Variants in TAB3 observed in about 807,000 individuals in gnomAD.
TAB3 encodes TGF-beta-activated kinase 1 and MAP3K7-binding protein 3.
In TAB3, 18 loss-of-function variants were observed where a neutral mutation model predicts 48.1. That is an observed-to-expected ratio of 0.37 (90% confidence interval 0.26 to 0.55). The LOEUF is 0.55. TAB3 is among the 20% of genes least tolerant of loss of function. The probability of loss-of-function intolerance (pLI) is 0.78; values close to 1 mark genes in which losing one functional copy is unlikely to be tolerated. For synonymous variants in TAB3, 185 were observed against 190.2 expected, an observed-to-expected ratio of 0.97 and a Z score of 0.22; for missense variants, 414 against 549.8, an observed-to-expected ratio of 0.75 and a Z score of 2.47.
intron 1 of TAB3, among the ~76,000 whole-genome samples, chrX:30,884,264 T>G (rs1193885515): frequency 8.9e-6 from 1 of 112,065 alleles, no homozygotes; most frequent in Admixed American, 9.4e-5. Context: ...GTAGTAATGA[T>G]GACGACAACG....
At chrX:30,880,381 T>A (rs1955358713) in intron 1 of TAB3, among the ~76,000 whole-genome samples, 1 of 111,634 alleles carries the variant, frequency 9.0e-6, no homozygotes, top group Non-Finnish European at 1.9e-5. Flanking sequence ...ACCACAGATA[T>A]ATGGACACTT....
chrX:30,841,135 T>C (rs767382738), intron 9 of TAB3, among the ~76,000 whole-genome samples: 11 of 112,468 alleles, frequency 9.8e-5, no homozygotes, highest in African/African-American at 3.2e-4. Flanking sequence ...TAGAAATCAA[T>C]AGACTATTTT....
chrX:30,869,065 T>G (rs1481118060), intron 2 of TAB3, among the ~76,000 whole-genome samples: 2 of 97,929 alleles, frequency 2.0e-5, no homozygotes, highest in East Asian at 6.0e-4. Flanking sequence ...CCACCCCACA[T>G]TTTTTTTTTT....
At chrX:30,879,414 T>C (rs1294570807) in intron 1 of TAB3, among the ~76,000 whole-genome samples, 2 of 111,796 alleles carry the variant, frequency 1.8e-5, no homozygotes, top group Non-Finnish European at 3.8e-5. Flanking sequence ...TAGAGGAAAA[T>C]GTGATGTTGA....
At chrX:30,831,622 AC>A in intron 10 of TAB3, 47 bp from the exon 11 acceptor site, 2 of 1,152,210 alleles carry the variant, frequency 1.7e-6, no homozygotes, top group Non-Finnish European at 2.3e-6. Context: ...AAATAGATTA[AC>A]CTTTTTCCAA....
chrX:30,829,422 T>C lies in TAB3; in HGVS notation c.*2005A>G, dbSNP rs1937964462. ...AATTGTAACTTAAAACCAAGTGGGGTTGACCATCACTAAAGAGATATGAAA... is the reference window on the plus strand; with the variant it reads ...AATTGTAACTTAAAACCAAGTGGGGCTGACCATCACTAAAGAGATATGAAA... On this transcript the variant is annotated 3_prime_UTR_variant, in exon 11 of 11. Coordinates refer to ENST00000288422, the MANE Select transcript of TAB3 (RefSeq NM_152787.5). 1 of 111,645 alleles carries C rather than the reference T, an allele frequency of 9.0e-6. No homozygotes were observed. Among genetic ancestry groups the C allele is most frequent in the Non-Finnish European group, 1.9e-5 (1 of 53,091 alleles). The allele number at this position is 111,645 out of a possible 1,213,427, so 9.2% of individuals were successfully genotyped here.
intron 9 of TAB3, among the ~76,000 whole-genome samples, chrX:30,839,178 T>A (rs945819973): frequency 9.0e-6 from 1 of 111,714 alleles, no homozygotes; most frequent in African/African-American, 3.3e-5. Context: ...TTTCTATTCT[T>A]AATTTGTTTA....
chrX:30,859,367 C>CACAA, intron 5 of TAB3, 120 bp downstream of exon 5: 1 of 493,510 alleles, frequency 2.0e-6, no homozygotes, highest in East Asian at 3.8e-5. Context: ...GCTCCACACA[C>CACAA]ACACACACAC....
chrX:30,832,166 A>T (rs6631190), intron 10 of TAB3, among the ~76,000 whole-genome samples: 1 of 111,289 alleles, frequency 9.0e-6, no homozygotes, highest in Non-Finnish European at 1.9e-5. Flanking sequence ...AAATTCATTC[A>T]GTATAAAAGA....
intron 4 of TAB3, among the ~76,000 whole-genome samples, chrX:30,866,673 C>T (rs1223739403): frequency 9.2e-6 from 1 of 108,302 alleles, no homozygotes; most frequent in African/African-American, 3.4e-5. Flanking sequence ...GCCATGAGCC[C>T]ATACTGAGAT....
At chrX:30,851,828 C>T (rs2147354800) in intron 7 of TAB3, among the ~76,000 whole-genome samples, 1 of 112,063 alleles carries the variant, frequency 8.9e-6, no homozygotes, top group Admixed American at 9.5e-5. Flanking sequence ...ACAGAACAGA[C>T]AAGATTTACA....
chrX:30,841,956 G>A (rs781663427), intron 9 of TAB3, among the ~76,000 whole-genome samples: 4 of 111,905 alleles, frequency 3.6e-5, no homozygotes, highest in African/African-American at 6.5e-5. Flanking sequence ...TTACAGGCGC[G>A]CGCCATCAGG....
intron 5 of TAB3, among the ~76,000 whole-genome samples, chrX:30,856,691 A>G: frequency 8.9e-6 from 1 of 112,042 alleles, no homozygotes; most frequent in Non-Finnish European, 1.9e-5. Flanking sequence ...GAAATAATTC[A>G]TTTCTGCTGA....
chrX:30,846,688 A>T, intron 7 of TAB3, 44 bp from the exon 8 acceptor site: 1 of 883,700 alleles, frequency 1.1e-6, no homozygotes, highest in Non-Finnish European at 1.6e-6. Flanking sequence ...GAAAGTCATT[A>T]TCAAGCCCAA....
rs143879115 is a variant in TAB3, at chrX:30,860,129, A to G, written c.-90-451T>C. Among the ~76,000 whole-genome samples the G allele has an allele frequency of 4.3e-3, 485 of 111,734 alleles. 5 individuals carry two copies. Among genetic ancestry groups the G allele is most frequent in the African/African-American group, 0.015 (462 of 30,745 alleles). On this transcript the variant is annotated intron_variant, in intron 4 of 10. Transcript: ENST00000288422. ...GTAATGAGTTATAAACCTGTAGAAA[A>G]GAGGGAGCCGTGTGTCCGTATCAAT...
At position 30,855,222 on chromosome X, in the gene TAB3, C is replaced by T; in HGVS notation, c.443G>A (p.Ser148Asn). 1 of 1,211,767 alleles carries T rather than the reference C, an allele frequency of 8.3e-7. No individual in the cohort carries two copies. Among genetic ancestry groups the T allele is most frequent in the Non-Finnish European group, 1.1e-6 (1 of 895,566 alleles). ...NPFFMNEQNR[S>N]AATPPSQPPQ... ...TGGTTGTGAAGGAGGAGTAGCTGCA[C>T]TTCTGTTCTGTTCGTTCATAAAAAA... is the stretch of plus-strand genomic sequence containing the variant. The change falls in exon 6 of 11, where the codon AGT (serine) becomes AAT (asparagine). Residue 148 changes from serine (S) to asparagine (N), a missense_variant. Ser to Asn is a conservative substitution (Grantham distance 46). Coordinates refer to ENST00000288422, the MANE Select transcript of TAB3 (RefSeq NM_152787.5).
intron 1 of TAB3, among the ~76,000 whole-genome samples, chrX:30,876,316 G>C (rs756845019): frequency 1.8e-5 from 2 of 111,931 alleles, no homozygotes; most frequent in East Asian, 5.6e-4. Flanking sequence ...CAAATACAAT[G>C]CCCAGCATGC....
Position 30,868,368 on chromosome X carries a change from T to TATATATATATATATA in TAB3, c.-279-820_-279-819insTATATATATATATAT, listed in dbSNP as rs755452674. Among the ~76,000 whole-genome samples the TATATATATATATATA allele has an allele frequency of 1.2e-3, 6 of 4,948 alleles. 2 individuals carry two copies. Among genetic ancestry groups the TATATATATATATATA allele is most frequent in the Non-Finnish European group, 2.0e-3 (6 of 2,960 alleles). 4.3% of individuals were successfully genotyped at this position (4,948 alleles called of 115,157 possible). A position where few individuals can be genotyped will look rare whatever the true frequency, so the allele number is the denominator to read the frequency against. On this transcript the variant is annotated intron_variant, in intron 2 of 10. Transcript: ENST00000288422. Reference sequence around the variant, plus strand: ...TATATATAGCTTATATATATATATATAGCTTATATATATATAGCTTATATA... The same window carrying TATATATATATATATA: ...TATATATAGCTTATATATATATATATATATATATATATATAAGCTTATATATATATAGCTTATATA...
intron 8 of TAB3, chrX:30,844,834 G>C (rs926529565): frequency 8.9e-6 from 1 of 112,293 alleles, no homozygotes; most frequent in African/African-American, 3.2e-5. Context: ...CTCGCTCTTT[G>C]TTTTTTAGAC....
Sources: allele counts gnomAD v4.1 joint callset (sites outside exome capture counted in the v4.1 genomes callset), GRCh38; gene constraint gnomAD v4.1.1; transcripts MANE v1.5; gene names NCBI Gene and HGNC (gene_info 2026-07-23, HGNC 2026-07-21).